The following ADCYAP1R1 variants were observed in gnomAD, a reference collection of about 807,000 sequenced individuals.
The protein encoded by ADCYAP1R1 is pituitary adenylate cyclase-activating polypeptide type I receptor.
A neutral mutation model predicts 67.6 loss-of-function variants in ADCYAP1R1; 44 were observed. That is an observed-to-expected ratio of 0.65 (90% CI 0.51 to 0.84). ADCYAP1R1 has a LOEUF of 0.84. Ranked by LOEUF, ADCYAP1R1 falls within the 40% of genes least tolerant of loss-of-function variation. The pLI is 0.00. For missense variants in ADCYAP1R1, 477 were observed against 587.9 expected (o/e 0.81, Z 1.95); for synonymous variants, 222 against 219.6 (o/e 1.01, Z -0.10).
intron 13 of ADCYAP1R1, among the ~76,000 whole-genome samples, chr7:31,096,567 G>A (rs1271673003): frequency 6.6e-6 from 1 of 152,212 alleles, no homozygotes; most frequent in Admixed American, 6.5e-5. Context: ...TGACCCAGCA[G>A]TCAGTGGCTG....
chr7:31,062,619 G>A (rs908768672), intron 1 of ADCYAP1R1, among the ~76,000 whole-genome samples: 6 of 152,166 alleles, frequency 3.9e-5, no homozygotes, highest in Admixed American at 2.6e-4. Flanking sequence ...GCAGCATTGC[G>A]CCCTACCCAC....
intron 1 of ADCYAP1R1, among the ~76,000 whole-genome samples, chr7:31,055,100 C>T (rs1413867795): frequency 6.6e-6 from 1 of 152,208 alleles, no homozygotes. Context: ...CACAGTGACA[C>T]ACAGAGAGGG....
intron 13 of ADCYAP1R1, among the ~76,000 whole-genome samples, chr7:31,101,128 A>C (rs116053359): frequency 0.015 from 2,342 of 152,268 alleles, 55 homozygotes; most frequent in African/African-American, 0.052. Flanking sequence ...GGCCACCGGG[A>C]TGCCCTGGCT....
At position 31,109,317 on chromosome 7, in the gene ADCYAP1R1, A is replaced by G. The variant is rs1002952262; in HGVS notation, c.*2633A>G. ...GCAGTAGGGGGACAGCATAAGGTCT[A>G]TGTAAAACCCTTCCCTCTCTGACCC... is the stretch of plus-strand genomic sequence containing the variant. On this transcript the variant is annotated 3_prime_UTR_variant, in exon 16 of 16. Transcript: ENST00000304166. The G allele has an allele frequency of 2.0e-5, 3 of 152,256 alleles. No individual in the cohort carries two copies. The highest frequency in any genetic ancestry group is 7.2e-5 in the African/African-American group (3 of 41,454). The allele number at this position is 152,256 out of a possible 1,614,324, so 9.4% of individuals were successfully genotyped here.
chr7:31,069,073 G>T (rs1459536210), intron 3 of ADCYAP1R1, among the ~76,000 whole-genome samples: 2 of 152,108 alleles, frequency 1.3e-5, no homozygotes, highest in Non-Finnish European at 2.9e-5. Context: ...TTTGGGTTGG[G>T]GGGGTCCATG....
intron 1 of ADCYAP1R1, 33 bp from the exon 2 acceptor site, chr7:31,063,161 C>A: frequency 1.4e-6 from 2 of 1,435,232 alleles, no homozygotes; most frequent in East Asian, 2.3e-5. Context: ...CTGCACTGGG[C>A]TCACAGGATT....
At chr7:31,080,523 T>A (rs1398272789) in intron 4 of ADCYAP1R1, 90 bp from the exon 5 acceptor site, 2 of 1,352,856 alleles carry the variant, frequency 1.5e-6, no homozygotes, top group African/African-American at 2.9e-5. Context: ...GAGGAAGTGA[T>A]CAGCAAGACC....
rs549556002 is a variant in ADCYAP1R1 at position 31,086,865 on chromosome 7, C to A, written c.824-78C>A. 3.4e-6 allele frequency: 5 copies of A among 1,474,212 alleles called. No individual in the cohort carries two copies. In the South Asian group the frequency reaches 4.6e-5, roughly 13 times the overall value. The allele number at this position is 1,474,212 out of a possible 1,614,324, so 91.3% of individuals were successfully genotyped here. On this transcript the variant is annotated intron_variant, in intron 10 of 15. Coordinates refer to ENST00000304166, the MANE Select transcript of ADCYAP1R1 (RefSeq NM_001118.5). The surrounding 1 kb of genome is among the most constrained non-coding windows in gnomAD (Gnocchi z 5.0). ...GTCTCATGGGGGAGCAATAGCCTCT[C>A]GGAGCCCCAGGTCTACGGTGGACAT...
intron 7 of ADCYAP1R1, 31 bp downstream of exon 7, chr7:31,084,281 G>T: frequency 6.3e-7 from 1 of 1,592,140 alleles, no homozygotes. Context: ...CCCCAGAGGT[G>T]GTGAGGGTAG....
chr7:31,062,661 T>C (rs1016445745), intron 1 of ADCYAP1R1, among the ~76,000 whole-genome samples: 1 of 151,928 alleles, frequency 6.6e-6, no homozygotes, highest in African/African-American at 2.4e-5. Context: ...ACTGTCAAAG[T>C]GGGGTTTGTT....
At position 31,084,370 on chromosome 7, in the gene ADCYAP1R1, C is replaced by T. The variant is rs116676492; in HGVS notation, c.438+120C>T. ...AGAAGCAACTGGGATGCTGCCTACT[C>T]CTCCCCACCTGCACCTGGCTACTCT... is the stretch of plus-strand genomic sequence containing the variant. On this transcript the variant is annotated intron_variant, in intron 7 of 15. Transcript: ENST00000304166. The T allele has an allele frequency of 1.3e-3, 1,003 of 742,994 alleles. 7 individuals are homozygous for T. The African/African-American group carries it at 0.015, about 11-fold the overall frequency. 46.0% of individuals were successfully genotyped at this position (742,994 alleles called of 1,614,324 possible). A position where few individuals can be genotyped will look rare whatever the true frequency, so the allele number is the denominator to read the frequency against.
intron 3 of ADCYAP1R1, among the ~76,000 whole-genome samples, chr7:31,066,911 AAC>A (rs199733769): frequency 0.02 from 3,048 of 152,242 alleles, 92 homozygotes; most frequent in African/African-American, 0.07. Context: ...CTGTATTTGG[AAC>A]TCAGTATTGG....
chr7:31,089,678 T>C (rs550140529), intron 12 of ADCYAP1R1, among the ~76,000 whole-genome samples: 1 of 152,326 alleles, frequency 6.6e-6, no homozygotes, highest in South Asian at 2.1e-4. Flanking sequence ...GCAGATCAGA[T>C]TGCTCTCAAT....
chr7:31,096,287 C>T (rs898752771), intron 13 of ADCYAP1R1, among the ~76,000 whole-genome samples: 61 of 152,140 alleles, frequency 4.0e-4, no homozygotes, highest in African/African-American at 1.4e-3. Flanking sequence ...TCCTTGGCCC[C>T]ATTGGGGAGG....
intron 13 of ADCYAP1R1, among the ~76,000 whole-genome samples, chr7:31,100,514 T>G (rs1231904498): frequency 6.6e-6 from 1 of 152,186 alleles, no homozygotes; most frequent in African/African-American, 2.4e-5. Context: ...CCCCAACTTC[T>G]CTGAGCTTCA....
At chr7:31,074,784 C>T (rs2128623185) in intron 3 of ADCYAP1R1, among the ~76,000 whole-genome samples, 1 of 152,338 alleles carries the variant, frequency 6.6e-6, no homozygotes, top group South Asian at 2.1e-4. Flanking sequence ...TGATGACTGG[C>T]CTACTGCTAT....
rs1280819338 is a variant in ADCYAP1R1 at position 31,109,022 on chromosome 7, C to G, written c.*2338C>G. The G allele has an allele frequency of 2.0e-5, 3 of 152,182 alleles. No homozygotes were observed. Among genetic ancestry groups the G allele is most frequent in the African/African-American group, 7.2e-5 (3 of 41,438 alleles). The allele number at this position is 152,182 out of a possible 1,614,324, so 9.4% of individuals were successfully genotyped here. A position where few individuals can be genotyped will look rare whatever the true frequency, so the allele number is the denominator to read the frequency against. ...CAGCCCCCTGGGGATGGACCCCATT[C>G]ATTCATCATGACTCCCAACAGTTTT... On this transcript the variant is annotated 3_prime_UTR_variant, in exon 16 of 16. Coordinates refer to ENST00000304166, the MANE Select transcript of ADCYAP1R1 (RefSeq NM_001118.5).
chr7:31,099,805 T>C lies in ADCYAP1R1; in HGVS notation c.1047-3432T>C, dbSNP rs191393489. Among the ~76,000 whole-genome samples the C allele has an allele frequency of 2.2e-4, 33 of 152,342 alleles. 1 individual carries two copies. The East Asian group carries it at 6.4e-3, about 29-fold the overall frequency. On this transcript the variant is annotated intron_variant, in intron 13 of 15. Coordinates refer to ENST00000304166, the MANE Select transcript of ADCYAP1R1 (RefSeq NM_001118.5). ...CTTGGAGCCAACTCTGGAGGCAGCCTCTGGCTCCCTGTGTGAGACCTAGCC... is the reference window on the plus strand; with the variant it reads ...CTTGGAGCCAACTCTGGAGGCAGCCCCTGGCTCCCTGTGTGAGACCTAGCC...
intron 13 of ADCYAP1R1, among the ~76,000 whole-genome samples, 193 bp downstream of exon 13, chr7:31,092,928 C>G (rs1796026209): frequency 6.6e-6 from 1 of 152,060 alleles, no homozygotes; most frequent in Non-Finnish European, 1.5e-5. Flanking sequence ...AGCTCCTCAG[C>G]TGCATGGCCA....
Sources: gnomAD v4.1 joint callset for allele counts (sites outside exome capture counted in the v4.1 genomes callset) on GRCh38, gnomAD v4.1.1 for gene constraint, Gnocchi (gnomAD v3.1) non-coding constraint, MANE v1.5 for transcripts, NCBI Gene and HGNC (gene_info 2026-07-23, HGNC 2026-07-21) for gene names.